KSR2: variants seen among roughly 807,000 people sequenced by gnomAD.
The protein encoded by KSR2 is kinase suppressor of ras 2.
In KSR2, 25 loss-of-function variants were observed where a neutral mutation model predicts 107.8. The observed-to-expected ratio is 0.23, with a 90% CI of 0.17 to 0.32. The LOEUF (loss-of-function observed/expected upper bound fraction) is 0.32, where lower values mean the gene tolerates loss of function less well. KSR2 is among the 10% of genes least tolerant of loss of function. The probability of loss-of-function intolerance (pLI) is 1.00; values close to 1 mark genes in which losing one functional copy is unlikely to be tolerated. For missense variants in KSR2, 887 were observed against 1,268.9 expected (o/e 0.70, Z 4.57); for synonymous variants, 480 against 507.0 (o/e 0.95, Z 0.71).
At chr12:117,701,479 G>T (rs1487717789) in intron 4 of KSR2, among the ~76,000 whole-genome samples, 1 of 152,086 alleles carries the variant, frequency 6.6e-6, no homozygotes, top group African/African-American at 2.4e-5. Context: ...ATAAAATAAA[G>T]ATCAAATTCT....
chr12:117,591,603 G>A (rs150684335), intron 5 of KSR2, among the ~76,000 whole-genome samples: 18 of 152,184 alleles, frequency 1.2e-4, no homozygotes, highest in Non-Finnish European at 2.2e-4. Flanking sequence ...GGGCTGGTAT[G>A]TGGCGGCTAG....
chr12:117,539,226 G>A (rs1338528615), intron 10 of KSR2, among the ~76,000 whole-genome samples: 2 of 152,192 alleles, frequency 1.3e-5, no homozygotes. Flanking sequence ...AGACTGCTCA[G>A]TGACAGCCCT....
chr12:117,565,317 A>C (rs1878412674), intron 7 of KSR2, among the ~76,000 whole-genome samples: 1 of 152,194 alleles, frequency 6.6e-6, no homozygotes, highest in Non-Finnish European at 1.5e-5. Flanking sequence ...ACTTTACAAT[A>C]ATCTGTCTGA....
intron 3 of KSR2, among the ~76,000 whole-genome samples, chr12:117,832,272 A>G (rs1566037427): frequency 6.6e-6 from 1 of 152,126 alleles, no homozygotes; most frequent in African/African-American, 2.4e-5. Context: ...AGACAAGAGC[A>G]AAACTCCATC....
chr12:117,824,518 C>G (rs1011044438), intron 3 of KSR2, among the ~76,000 whole-genome samples: 2 of 151,734 alleles, frequency 1.3e-5, no homozygotes, highest in African/African-American at 4.8e-5. Context: ...TCACATGTAC[C>G]CTGAAATTAT....
intron 3 of KSR2, among the ~76,000 whole-genome samples, chr12:117,839,324 C>T (rs545536833): frequency 2.4e-4 from 36 of 152,296 alleles, no homozygotes; most frequent in African/African-American, 8.4e-4. Flanking sequence ...TTAGAGTGTA[C>T]GGTCTGGAAT....
intron 18 of KSR2, 115 bp from the exon 19 acceptor site, chr12:117,469,910 C>T (rs1387824120): frequency 1.0e-6 from 1 of 984,008 alleles, no homozygotes; most frequent in Non-Finnish European, 1.5e-6. Context: ...CCATATTCCT[C>T]CATCATCCAT....
At chr12:117,695,727 A>G (rs1046620956) in intron 4 of KSR2, among the ~76,000 whole-genome samples, 39 of 151,932 alleles carry the variant, frequency 2.6e-4, no homozygotes, top group African/African-American at 8.2e-4. Context: ...ACAAAAAAAA[A>G]AACAAGAAAA....
intron 1 of KSR2, among the ~76,000 whole-genome samples, chr12:117,865,868 G>A (rs1484612455): frequency 6.6e-6 from 1 of 152,046 alleles, no homozygotes; most frequent in East Asian, 1.9e-4. Context: ...CTTGAGAGGT[G>A]GTACCCAGGC....
chr12:117,818,234 G>T (rs1891442415), intron 3 of KSR2, among the ~76,000 whole-genome samples: 1 of 152,154 alleles, frequency 6.6e-6, no homozygotes, highest in Non-Finnish European at 1.5e-5. Flanking sequence ...GTCACCATTT[G>T]GCCCTTGGAA....
intron 1 of KSR2, among the ~76,000 whole-genome samples, chr12:117,935,772 A>G (rs1169875924): frequency 6.6e-6 from 1 of 152,078 alleles, no homozygotes; most frequent in African/African-American, 2.4e-5. Context: ...ATAAATAAAT[A>G]ATAAATAAAG....
chr12:117,567,432 T>C (rs759319958), intron 7 of KSR2, among the ~76,000 whole-genome samples: 4 of 151,794 alleles, frequency 2.6e-5, no homozygotes, highest in Non-Finnish European at 5.9e-5. Context: ...TAAGCAAACA[T>C]GGCGCGCGGT....
chr12:117,514,544 C>CTCTTT (rs763553867), intron 14 of KSR2, among the ~76,000 whole-genome samples: 2 of 130,088 alleles, frequency 1.5e-5, no homozygotes, highest in Non-Finnish European at 3.3e-5. Context: ...CTCTCTCTCT[C>CTCTTT]TTTTTTTTTT....
At chr12:117,768,701 T>A (rs115268002) in intron 3 of KSR2, among the ~76,000 whole-genome samples, 1,634 of 151,590 alleles carry the variant, frequency 0.011, 34 homozygotes, top group African/African-American at 0.037. Context: ...TAGAGAGAGG[T>A]GGAGTGACTG....
intron 7 of KSR2, among the ~76,000 whole-genome samples, chr12:117,573,782 G>A (rs1293399098): frequency 6.6e-6 from 1 of 152,032 alleles, no homozygotes; most frequent in Non-Finnish European, 1.5e-5. Context: ...ACCCGCTTCA[G>A]CCACCCAAAG....
chr12:117,936,028 A>G (rs576890292), intron 1 of KSR2, among the ~76,000 whole-genome samples: 8 of 150,334 alleles, frequency 5.3e-5, no homozygotes, highest in African/African-American at 1.7e-4. Context: ...TAGCTTCCTT[A>G]TTCCATTTAT....
At chr12:117,544,795 T>C (rs1214003822) in intron 9 of KSR2, among the ~76,000 whole-genome samples, 1 of 152,212 alleles carries the variant, frequency 6.6e-6, no homozygotes, top group Non-Finnish European at 1.5e-5. Flanking sequence ...CATTTTTATT[T>C]CTCCCTTTCC....
intron 3 of KSR2, among the ~76,000 whole-genome samples, chr12:117,836,546 A>C (rs1472524325): frequency 6.6e-6 from 1 of 152,156 alleles, no homozygotes. Flanking sequence ...CGCTATCATG[A>C]TGCCTGTTTC....
At chr12:117,865,631 A>G (rs940441375) in intron 1 of KSR2, among the ~76,000 whole-genome samples, 43 of 152,162 alleles carry the variant, frequency 2.8e-4, no homozygotes, top group African/African-American at 9.9e-4. Context: ...TGCTGGAACT[A>G]CAGGTGTGAG....
Sources: gnomAD v4.1 joint callset for allele counts (sites outside exome capture counted in the v4.1 genomes callset) on GRCh38, gnomAD v4.1.1 for gene constraint, MANE v1.5 for transcripts, NCBI Gene and HGNC (gene_info 2026-07-23, HGNC 2026-07-21) for gene names.